GABBR2: variants seen among roughly 807,000 people sequenced by gnomAD.
GABBR2 encodes gamma-aminobutyric acid type B receptor subunit 2.
GABBR2 carries 23 observed loss-of-function variants against 105.6 expected under a neutral mutation model. The observed-to-expected ratio is 0.22, with a 90% CI of 0.16 to 0.31. The LOEUF is 0.31. Ranked by LOEUF, GABBR2 falls within the 10% of genes least tolerant of loss-of-function variation. The pLI, the probability that GABBR2 is intolerant of heterozygous loss-of-function variation, is 1.00. For missense variants in GABBR2, 734 were observed against 1,245.5 expected (o/e 0.59, Z 6.18); for synonymous variants, 478 against 499.7 (o/e 0.96, Z 0.58).
intron 1 of GABBR2, among the ~76,000 whole-genome samples, chr9:98,585,779 G>A (rs1326434052): frequency 4.0e-5 from 1 of 24,814 alleles, no homozygotes; most frequent in East Asian, 3.6e-4. Context: ...AATCCAAAAT[G>A]CTCCAAAATC....
chr9:98,678,404 C>T lies in GABBR2; in HGVS notation c.321+30013G>A, dbSNP rs532546854. Among the ~76,000 whole-genome samples the T allele has an allele frequency of 5.9e-5, 9 of 152,316 alleles. No homozygotes were observed. In the East Asian group the frequency reaches 9.6e-4, roughly 16 times the overall value. On this transcript the variant is annotated intron_variant, in intron 1 of 18. Coordinates refer to ENST00000259455, the MANE Select transcript of GABBR2 (RefSeq NM_005458.8). ...CCCAAACATATAGAATGCGCCCCAA[C>T]GCGGTGGCACCTTTCCTGCGAGGTG... is the stretch of plus-strand genomic sequence containing the variant.
chr9:98,645,000 C>T (rs1293810720), intron 1 of GABBR2, among the ~76,000 whole-genome samples: 6 of 152,130 alleles, frequency 3.9e-5, no homozygotes, highest in Middle Eastern at 3.2e-3. Flanking sequence ...AAACCCAGGG[C>T]GGGCTGTTTT....
At chr9:98,385,582 C>T in intron 11 of GABBR2, 58 bp downstream of exon 11, 2 of 1,455,726 alleles carry the variant, frequency 1.4e-6, no homozygotes, top group Non-Finnish European at 9.6e-7. Flanking sequence ...TTTTCGATGA[C>T]TGAGGTCACC....
chr9:98,492,349 TAAA>T lies in GABBR2; in HGVS notation c.732+4061_732+4063del, dbSNP rs574771107. Among the ~76,000 whole-genome samples the T allele has an allele frequency of 8.2e-3, 239 of 29,214 alleles. 4 individuals carry two copies. Among genetic ancestry groups the T allele is most frequent in the South Asian group, 0.034 (10 of 290 alleles). 19.2% of individuals were successfully genotyped at this position (29,214 alleles called of 152,430 possible). The stretch of plus-strand genomic sequence containing the variant: ...GAGCCCGCTTAAGTTTGTTTCCTAG[TAAA>T]AAAAAAAAAAAAAAAAAAAAAAAAA... On this transcript the variant is annotated intron_variant, in intron 4 of 18. Coordinates refer to ENST00000259455, the MANE Select transcript of GABBR2 (RefSeq NM_005458.8).
At chr9:98,644,081 C>T (rs879798008) in intron 1 of GABBR2, among the ~76,000 whole-genome samples, 1 of 152,246 alleles carries the variant, frequency 6.6e-6, no homozygotes, top group African/African-American at 2.4e-5. Flanking sequence ...TTGTCTCTCC[C>T]TCACTGCACT....
rs146232603 is a variant in GABBR2 at position 98,371,864 on chromosome 9, CTGCTGAGA to C, written c.1663-301_1663-294del. 0.053 allele frequency among the ~76,000 whole-genome samples: 8,077 copies of C among 152,252 alleles called. 394 individuals are homozygous for C. The highest frequency in any genetic ancestry group is 0.14 in the East Asian group (726 of 5,168). On this transcript the variant is annotated intron_variant, in intron 11 of 18. Transcript: ENST00000259455. ...GGAGAGCCACAGAGGGCCCCCAGGA[CTGCTGAGA>C]TGCTGAGATACCACCAAAAGGTGAT...
At chr9:98,698,484 T>C (rs1830785345) in intron 1 of GABBR2, among the ~76,000 whole-genome samples, 1 of 147,630 alleles carries the variant, frequency 6.8e-6, no homozygotes, top group Non-Finnish European at 1.5e-5. Context: ...ACCAATGTAC[T>C]CTTACTTTAT....
intron 12 of GABBR2, among the ~76,000 whole-genome samples, chr9:98,363,270 T>G (rs908015335): frequency 2.6e-5 from 4 of 152,038 alleles, no homozygotes; most frequent in African/African-American, 9.7e-5. Context: ...CATAGCGCTT[T>G]GTCCACATAC....
At chr9:98,656,642 T>G (rs1351075157) in intron 1 of GABBR2, among the ~76,000 whole-genome samples, 1 of 152,158 alleles carries the variant, frequency 6.6e-6, no homozygotes, top group Non-Finnish European at 1.5e-5. Context: ...GAAAAAGTGT[T>G]GAGAGAAATT....
intron 3 of GABBR2, among the ~76,000 whole-genome samples, chr9:98,499,746 T>G (rs904288942): frequency 2.0e-5 from 3 of 152,234 alleles, no homozygotes; most frequent in African/African-American, 7.2e-5. Flanking sequence ...GAACTGCAGT[T>G]ATCTCTTGTT....
chr9:98,614,399 C>T lies in GABBR2; in HGVS notation c.322-36327G>A, dbSNP rs574080354. Among the ~76,000 whole-genome samples, 4 of 152,228 alleles carry T rather than the reference C, an allele frequency of 2.6e-5. No individual in the cohort carries two copies. The East Asian group carries it at 7.7e-4, about 29-fold the overall frequency. ...ATTAGCTGGGCATTGTGGTGCACGC[C>T]TGTAAATCCCAGCTACTTGGGAAGC... On this transcript the variant is annotated intron_variant, in intron 1 of 18. Coordinates refer to ENST00000259455, the MANE Select transcript of GABBR2 (RefSeq NM_005458.8).
At chr9:98,572,916 C>G (rs1183422221) in intron 2 of GABBR2, among the ~76,000 whole-genome samples, 2 of 152,184 alleles carry the variant, frequency 1.3e-5, no homozygotes, top group Non-Finnish European at 2.9e-5. Context: ...GCCCCAGTGT[C>G]TAGTAGTGAA....
intron 1 of GABBR2, among the ~76,000 whole-genome samples, chr9:98,610,865 C>T (rs1829495185): frequency 1.3e-5 from 2 of 152,146 alleles, no homozygotes; most frequent in African/African-American, 2.4e-5. Context: ...TACAAGGTGC[C>T]TCCTTAATCC....
chr9:98,327,616 C>A (rs1473044467), intron 13 of GABBR2, among the ~76,000 whole-genome samples: 1 of 152,152 alleles, frequency 6.6e-6, no homozygotes, highest in East Asian at 1.9e-4. Flanking sequence ...TGTCTGTAAT[C>A]CCAGCACTTT....
In GABBR2 at chr9:98,433,094, A is replaced by G. The variant is rs184410679; in HGVS notation, c.1236+20887T>C. ...TAAGGTCATTAAACATGAATTACTG[A>G]AGCAGCTCTTCATAAGCTAGTTGAT... On this transcript the variant is annotated intron_variant, in intron 7 of 18. Coordinates refer to ENST00000259455, the MANE Select transcript of GABBR2 (RefSeq NM_005458.8). Among the ~76,000 whole-genome samples the G allele has an allele frequency of 1.8e-3, 273 of 152,334 alleles. 1 individual carries two copies. Among genetic ancestry groups the G allele is most frequent in the African/African-American group, 6.0e-3 (250 of 41,576 alleles).
intron 2 of GABBR2, among the ~76,000 whole-genome samples, chr9:98,571,876 T>C (rs926522770): frequency 1.3e-5 from 2 of 152,178 alleles, no homozygotes; most frequent in Non-Finnish European, 2.9e-5. Context: ...TGGCTCCTGC[T>C]TCTCCCCACT....
intron 13 of GABBR2, among the ~76,000 whole-genome samples, chr9:98,354,483 G>A (rs576139089): frequency 6.6e-6 from 1 of 152,214 alleles, no homozygotes; most frequent in Admixed American, 6.5e-5. Flanking sequence ...GTTGTTTAGT[G>A]TAGCCACTTT....
Position 98,436,347 on chromosome 9 carries a change from CCATATATATATATATATATATATATAT to C in GABBR2, c.1236+17607_1236+17633del, listed in dbSNP as rs1166662668. 6.7e-3 allele frequency among the ~76,000 whole-genome samples: 211 copies of C among 31,632 alleles called. 19 individuals are homozygous for C. The highest frequency in any genetic ancestry group is 0.013 in the African/African-American group (75 of 5,564). The allele number at this position is 31,632 out of a possible 152,430, so 20.8% of individuals were successfully genotyped here. On this transcript the variant is annotated intron_variant, in intron 7 of 18. Transcript: ENST00000259455. The stretch of plus-strand genomic sequence containing the variant: ...ATATATATATACACACACACACACA[CCATATATATATATATATATATATATAT>C]ATATATATATATATATATATATATA...
intron 7 of GABBR2, among the ~76,000 whole-genome samples, chr9:98,437,973 C>A (rs57621442): frequency 0.15 from 22,885 of 151,608 alleles, 2,066 homozygotes; most frequent in African/African-American, 0.23. Context: ...CCCATGCATC[C>A]ATCTACCCAC....
Sources: gnomAD v4.1 joint callset for allele counts (sites outside exome capture counted in the v4.1 genomes callset) on GRCh38, gnomAD v4.1.1 for gene constraint, MANE v1.5 for transcripts, NCBI Gene and HGNC (gene_info 2026-07-23, HGNC 2026-07-21) for gene names.